Variants in SHANK2 observed in about 807,000 individuals in gnomAD.
SHANK2 encodes the protein SH3 and multiple ankyrin repeat domains protein 2.
In SHANK2, 43 loss-of-function variants were observed where a neutral mutation model predicts 133.7. That is an observed-to-expected ratio of 0.32 (90% CI 0.25 to 0.41). The LOEUF (loss-of-function observed/expected upper bound fraction) is 0.41. SHANK2 is among the 10% of genes least tolerant of loss of function. The pLI, the probability that SHANK2 is intolerant of heterozygous loss-of-function variation, is 1.00. For missense variants in SHANK2, 1,994 were observed against 2,235.8 expected, an observed-to-expected ratio of 0.89 and a Z score of 2.18; for synonymous variants, 1,017 against 952.8, an observed-to-expected ratio of 1.07 and a Z score of -1.24.
In SHANK2 at chr11:70,490,435, AC is replaced by A. The variant is rs376658721; in HGVS notation, c.2440-49del. 3.4e-4 allele frequency: 513 copies of A among 1,503,200 alleles called. 4 individuals are homozygous for A. In the East Asian group the frequency reaches 4.1e-3, roughly 12 times the overall value. The allele number at this position is 1,503,200 out of a possible 1,614,324, so 93.1% of individuals were successfully genotyped here. On this transcript the variant is annotated intron_variant, in intron 22 of 25. Transcript: ENST00000601538. ...TGAGACGCAGCCCTGGCCAGCCCCCACCCACGGTCACAGGGCCCAGAGACCA... is the reference window on the plus strand; with the variant it reads ...TGAGACGCAGCCCTGGCCAGCCCCCACCACGGTCACAGGGCCCAGAGACCA...
chr11:71,140,623 G>C (rs1319866701), intron 3 of SHANK2, among the ~76,000 whole-genome samples: 1 of 152,192 alleles, frequency 6.6e-6, no homozygotes, highest in African/African-American at 2.4e-5. Flanking sequence ...CAGGAGGGTG[G>C]ACCCAGGAGA....
intron 11 of SHANK2, among the ~76,000 whole-genome samples, chr11:70,824,703 T>TA (rs541144697): frequency 9.2e-5 from 14 of 151,888 alleles, no homozygotes; most frequent in Non-Finnish European, 1.6e-4. Context: ...CGGCAGAGAC[T>TA]AAAAAAAACC....
At position 71,092,416 on chromosome 11, in the gene SHANK2, A is replaced by G. The variant is rs1176984968; in HGVS notation, c.912+6T>C. On this transcript the variant is annotated splice_donor_region_variant and intron_variant, in intron 8 of 25. Transcript: ENST00000601538. ...TACAACAGAGTGGAGAAGCGGGCCCACGTACCTGGTGGATCTCGTGCCAGC... is the reference window on the plus strand; with the variant it reads ...TACAACAGAGTGGAGAAGCGGGCCCGCGTACCTGGTGGATCTCGTGCCAGC... The G allele has an allele frequency of 1.3e-6, 2 of 1,551,000 alleles. No homozygotes were observed. Among genetic ancestry groups the G allele is most frequent in the East Asian group, 4.9e-5 (2 of 40,914 alleles).
At chr11:70,753,350 C>T (rs561190977) in intron 14 of SHANK2, among the ~76,000 whole-genome samples, 6 of 152,090 alleles carry the variant, frequency 3.9e-5, no homozygotes, top group African/African-American at 1.4e-4. Context: ...AAGAACACCG[C>T]ACTCAACAAT....
intron 2 of SHANK2, among the ~76,000 whole-genome samples, chr11:71,156,407 TC>T (rs1952907586): frequency 6.6e-6 from 1 of 152,236 alleles, no homozygotes; most frequent in African/African-American, 2.4e-5. Flanking sequence ...GGATCCTGCC[TC>T]TGAGTTTCCG....
intron 1 of SHANK2, among the ~76,000 whole-genome samples, chr11:71,248,609 T>C (rs1481018765): frequency 6.6e-6 from 1 of 152,162 alleles, no homozygotes; most frequent in Non-Finnish European, 1.5e-5. Flanking sequence ...GTGGCACTAA[T>C]GCCAATCAAA....
In SHANK2 at chr11:70,925,991, C is replaced by T. The variant is rs1428761613; in HGVS notation, c.1108-29424G>A. Among the ~76,000 whole-genome samples, 9 of 152,214 alleles carry T rather than the reference C, an allele frequency of 5.9e-5. No individual in the cohort carries two copies. In the East Asian group the frequency reaches 1.4e-3, roughly 23 times the overall value. The stretch of plus-strand genomic sequence containing the variant: ...TATTGTTGACTCATTAACATTGTAT[C>T]GGCTGGGTGTGGTGGCTCCCATCTG... On this transcript the variant is annotated intron_variant, in intron 10 of 25. Transcript: ENST00000601538.
intron 11 of SHANK2, among the ~76,000 whole-genome samples, chr11:70,828,644 T>C (rs569791883): frequency 2.0e-5 from 3 of 152,310 alleles, no homozygotes; most frequent in African/African-American, 7.2e-5. Flanking sequence ...TTCCAGATGG[T>C]GAGTGTCTAG....
At chr11:70,906,186 C>A (rs1471422250) in intron 10 of SHANK2, among the ~76,000 whole-genome samples, 1 of 152,214 alleles carries the variant, frequency 6.6e-6, no homozygotes, top group Non-Finnish European at 1.5e-5. Flanking sequence ...CCAGGCCAGC[C>A]CCAGGCTCCG....
At chr11:70,914,998 T>C (rs1950250609) in intron 10 of SHANK2, among the ~76,000 whole-genome samples, 1 of 152,040 alleles carries the variant, frequency 6.6e-6, no homozygotes, top group African/African-American at 2.4e-5. Context: ...ACAACACCAT[T>C]CACTTTGGAA....
At chr11:70,576,052 C>T (rs1010541500) in intron 17 of SHANK2, among the ~76,000 whole-genome samples, 1 of 152,072 alleles carries the variant, frequency 6.6e-6, no homozygotes, top group East Asian at 1.9e-4. Flanking sequence ...TGTGTTCCCC[C>T]CTCTCCCCAC....
At chr11:70,875,402 G>A (rs969013156) in intron 11 of SHANK2, among the ~76,000 whole-genome samples, 3 of 152,094 alleles carry the variant, frequency 2.0e-5, no homozygotes, top group African/African-American at 7.2e-5. Context: ...GCAGGCGCCT[G>A]TAGTCCCAGC....
intron 14 of SHANK2, among the ~76,000 whole-genome samples, chr11:70,749,744 A>G (rs1555037078): frequency 6.6e-6 from 1 of 152,226 alleles, no homozygotes; most frequent in African/African-American, 2.4e-5. Context: ...CCTTAGTAGG[A>G]TAAAAGTGAC....
chr11:70,871,693 G>A (rs566620164), intron 11 of SHANK2, among the ~76,000 whole-genome samples: 9 of 152,286 alleles, frequency 5.9e-5, no homozygotes, highest in South Asian at 2.1e-4. Context: ...AAGGCAACAC[G>A]GGCCAGACAC....
At chr11:71,251,253 C>G in intron 1 of SHANK2, among the ~76,000 whole-genome samples, 1 of 152,224 alleles carries the variant, frequency 6.6e-6, no homozygotes, top group South Asian at 2.1e-4. Context: ...AAGCCTCGCC[C>G]ACGCGCCCAC....
At chr11:70,740,869 C>T (rs1489624050) in intron 14 of SHANK2, among the ~76,000 whole-genome samples, 2 of 152,108 alleles carry the variant, frequency 1.3e-5, no homozygotes, top group African/African-American at 4.8e-5. Context: ...GGGCAGAATC[C>T]CTCACTGAGG....
In SHANK2 at chr11:71,134,520, A is replaced by C. The variant is rs576442730; in HGVS notation, c.207+12600T>G. On this transcript the variant is annotated intron_variant, in intron 3 of 25. Transcript: ENST00000601538. Reference sequence around the variant, plus strand: ...AGTGGCACGATCTCGGCTCACTGCAACCTCCACCTCCCAGGTTCAAGCAAT... The same window carrying C: ...AGTGGCACGATCTCGGCTCACTGCACCCTCCACCTCCCAGGTTCAAGCAAT... Among the ~76,000 whole-genome samples, 32 of 149,160 alleles carry C rather than the reference A, an allele frequency of 2.1e-4. No individual in the cohort carries two copies. The South Asian group carries it at 6.3e-3, about 29-fold the overall frequency.
chr11:71,170,751 C>G (rs1953297582), intron 2 of SHANK2, among the ~76,000 whole-genome samples: 1 of 152,200 alleles, frequency 6.6e-6, no homozygotes, highest in Non-Finnish European at 1.5e-5. Flanking sequence ...TCCAAAGAGG[C>G]AAGGAGCTGG....
intron 14 of SHANK2, among the ~76,000 whole-genome samples, chr11:70,734,297 C>G (rs1223007657): frequency 6.6e-6 from 1 of 152,182 alleles, no homozygotes; most frequent in Non-Finnish European, 1.5e-5. Flanking sequence ...TGCTTCTGAG[C>G]AGGGATTGAA....
Sources: allele counts gnomAD v4.1 joint callset (sites outside exome capture counted in the v4.1 genomes callset), GRCh38; gene constraint gnomAD v4.1.1; transcripts MANE v1.5; gene names NCBI Gene and HGNC (gene_info 2026-07-23, HGNC 2026-07-21).